Variants in LPP observed in about 807,000 individuals in gnomAD.
LPP encodes the protein lipoma-preferred partner.
LPP carries 38 observed loss-of-function variants against 60.4 expected under a neutral mutation model. That is an observed-to-expected ratio of 0.63 (90% CI 0.49 to 0.83). The LOEUF (loss-of-function observed/expected upper bound fraction) is 0.83, where lower values mean the gene tolerates loss of function less well. LPP is among the 40% of genes least tolerant of loss of function. The probability of loss-of-function intolerance (pLI) is 0.00; values close to 1 mark genes in which losing one functional copy is unlikely to be tolerated. For synonymous variants in LPP, 328 were observed against 290.8 expected, an observed-to-expected ratio of 1.13 and a Z score of -1.30; for missense variants, 902 against 783.6, an observed-to-expected ratio of 1.15 and a Z score of -1.80.
intron 3 of LPP, among the ~76,000 whole-genome samples, chr3:188,381,922 C>T (rs948349678): frequency 1.6e-4 from 25 of 151,714 alleles, no homozygotes; most frequent in African/African-American, 5.1e-4. Flanking sequence ...GCTCTGACTA[C>T]AGGTGTGACC....
intron 9 of LPP, among the ~76,000 whole-genome samples, chr3:188,835,456 A>T (rs1440418513): frequency 7.1e-6 from 1 of 141,356 alleles, no homozygotes; most frequent in Non-Finnish European, 1.6e-5. Flanking sequence ...CTAAAAATAC[A>T]AAAAAAAAAA....
intron 2 of LPP, chr3:188,239,716 C>A (rs979189047): frequency 4.6e-6 from 1 of 217,718 alleles, no homozygotes. Flanking sequence ...ACTTCCTTAG[C>A]CTGGAAATAA....
At chr3:188,708,235 AAT>A in intron 7 of LPP, 30 bp from the exon 8 acceptor site, 1 of 1,611,556 alleles carries the variant, frequency 6.2e-7, no homozygotes, top group Non-Finnish European at 8.5e-7. Context: ...TCTAGGTGGC[AAT>A]TAAAGGACTG....
chr3:188,410,956 CCCACTTATAA>C (rs1784758121), intron 4 of LPP, among the ~76,000 whole-genome samples: 2 of 152,158 alleles, frequency 1.3e-5, no homozygotes, highest in African/African-American at 4.8e-5. Flanking sequence ...TAGCTTAGCT[CCCACTTATAA>C]GTGAGAACAT....
intron 2 of LPP, among the ~76,000 whole-genome samples, chr3:188,324,437 C>T (rs943861105): frequency 3.3e-5 from 5 of 152,158 alleles, no homozygotes; most frequent in South Asian, 2.1e-4. Context: ...CAGCATCACC[C>T]GAAATGCGTC....
At chr3:188,376,096 A>T (rs996330228) in intron 3 of LPP, among the ~76,000 whole-genome samples, 4 of 152,120 alleles carry the variant, frequency 2.6e-5, no homozygotes, top group African/African-American at 9.7e-5. Flanking sequence ...CTGTTCTTTT[A>T]CATTTGCTGA....
chr3:188,431,027 A>G (rs1426536866), intron 4 of LPP, among the ~76,000 whole-genome samples: 1 of 152,016 alleles, frequency 6.6e-6, no homozygotes, highest in Non-Finnish European at 1.5e-5. Context: ...TATTTTGCTA[A>G]TGGTAAGTTT....
chr3:188,293,311 G>A (rs185109312), intron 2 of LPP, among the ~76,000 whole-genome samples: 19 of 152,330 alleles, frequency 1.2e-4, no homozygotes, highest in East Asian at 3.9e-4. Flanking sequence ...AAGCCTGCCC[G>A]CCTGGGGCTC....
chr3:188,528,439 A>G (rs989863948), intron 6 of LPP, among the ~76,000 whole-genome samples: 4 of 151,790 alleles, frequency 2.6e-5, no homozygotes, highest in Admixed American at 1.3e-4. Flanking sequence ...TTTGAGGTCT[A>G]TTGTTTAATA....
chr3:188,469,141 T>C (rs1801164175), intron 4 of LPP, among the ~76,000 whole-genome samples: 1 of 152,164 alleles, frequency 6.6e-6, no homozygotes, highest in East Asian at 1.9e-4. Context: ...GTGAACTCTG[T>C]ATTCTAATTC....
chr3:188,800,113 T>C (rs1387935086), intron 9 of LPP, among the ~76,000 whole-genome samples: 1 of 151,734 alleles, frequency 6.6e-6, no homozygotes, highest in African/African-American at 2.4e-5. Flanking sequence ...TAGAATTCTA[T>C]AGGATACATG....
chr3:188,322,435 A>T (rs923973291), intron 2 of LPP, among the ~76,000 whole-genome samples: 1 of 152,168 alleles, frequency 6.6e-6, no homozygotes, highest in Non-Finnish European at 1.5e-5. Context: ...AAGAGTCTCC[A>T]TGATTCCTAG....
chr3:188,210,904 G>C (rs906311042), intron 1 of LPP, among the ~76,000 whole-genome samples: 1 of 152,104 alleles, frequency 6.6e-6, no homozygotes, highest in African/African-American at 2.4e-5. Context: ...CGCTGAGGAG[G>C]GTTGCAATGG....
chr3:188,706,323 AT>A (rs888276356), intron 7 of LPP, among the ~76,000 whole-genome samples: 2 of 152,014 alleles, frequency 1.3e-5, no homozygotes, highest in East Asian at 1.9e-4. Flanking sequence ...AAGCAACTCA[AT>A]TTTTTTTGTC....
chr3:188,510,206 G>A (rs767950909), intron 5 of LPP, among the ~76,000 whole-genome samples: 5 of 152,150 alleles, frequency 3.3e-5, no homozygotes, highest in Non-Finnish European at 7.4e-5. Context: ...AGCTTGAGAC[G>A]ACATTATTCC....
intron 8 of LPP, among the ~76,000 whole-genome samples, chr3:188,729,565 T>G (rs1017850607): frequency 2.6e-5 from 4 of 152,212 alleles, no homozygotes; most frequent in African/African-American, 9.6e-5. Context: ...TTGCTCTCTT[T>G]TGTTCTCTTT....
At position 188,610,849 on chromosome 3, in the gene LPP, G is replaced by A. The variant is rs1019589834; in HGVS notation, c.1113+1005G>A. Among the ~76,000 whole-genome samples the A allele has an allele frequency of 6.6e-6, 1 of 152,172 alleles. No individual in the cohort carries two copies. The highest frequency in any genetic ancestry group is 2.4e-5 in the African/African-American group (1 of 41,436). ...TTCCAGCCACTTGGGTTGGAAGAGT[G>A]CCCTTGCTTCTTTTCAGTTAGAACT... On this transcript the variant is annotated intron_variant, in intron 7 of 11. Coordinates refer to ENST00000617246, the MANE Select transcript of LPP (RefSeq NM_001375462.1). This position sits in a 1 kb window ranked among gnomAD's most constrained non-coding sequence, Gnocchi z 4.4.
intron 2 of LPP, among the ~76,000 whole-genome samples, chr3:188,259,036 T>C (rs1283658445): frequency 6.6e-6 from 1 of 152,152 alleles, no homozygotes; most frequent in Non-Finnish European, 1.5e-5. Context: ...TGTAATCTCT[T>C]CCCCTCACCA....
intron 4 of LPP, among the ~76,000 whole-genome samples, chr3:188,414,503 T>TATA (rs1560373154): frequency 6.6e-6 from 1 of 152,122 alleles, no homozygotes; most frequent in Admixed American, 6.6e-5. Context: ...ATAATATAAG[T>TATA]ATAATAATAA....
Sources: gnomAD v4.1 joint callset for allele counts (sites outside exome capture counted in the v4.1 genomes callset) on GRCh38, gnomAD v4.1.1 for gene constraint, Gnocchi (gnomAD v3.1) non-coding constraint, MANE v1.5 for transcripts, NCBI Gene and HGNC (gene_info 2026-07-23, HGNC 2026-07-21) for gene names.